Variants in MRPL13 observed in about 807,000 individuals in gnomAD.
MRPL13 encodes mitochondrial ribosomal protein L13.
In MRPL13, 33 loss-of-function variants were observed where a neutral mutation model predicts 29.0. That is an observed-to-expected ratio of 1.14 (90% CI 0.86 to 1.52). MRPL13 has a LOEUF of 1.52. MRPL13 is among the 40% of genes most tolerant of loss of function. The probability of loss-of-function intolerance (pLI) is 0.00; values close to 1 mark genes in which losing one functional copy is unlikely to be tolerated. For missense variants in MRPL13, 227 were observed against 216.7 expected, an observed-to-expected ratio of 1.05 and a Z score of -0.30; for synonymous variants, 77 against 68.4, an observed-to-expected ratio of 1.13 and a Z score of -0.62.
intron 6 of MRPL13, among the ~76,000 whole-genome samples, chr8:120,405,868 G>A (rs1812660477): frequency 6.6e-6 from 1 of 152,036 alleles, no homozygotes; most frequent in Admixed American, 6.6e-5. Flanking sequence ...AAACAAGAAG[G>A]GTGGCATCTA....
At chr8:120,430,125 G>A (rs564776367) in intron 3 of MRPL13, among the ~76,000 whole-genome samples, 2 of 152,188 alleles carry the variant, frequency 1.3e-5, no homozygotes, top group East Asian at 1.9e-4. Flanking sequence ...AGCTGGGCAT[G>A]GTGGTGCACA....
chr8:120,415,823 A>T (rs1438948110), intron 5 of MRPL13: 1 of 152,146 alleles, frequency 6.6e-6, no homozygotes, highest in Non-Finnish European at 1.5e-5. Flanking sequence ...TTACTTATTG[A>T]AGGCGCCTAC....
At chr8:120,400,932 A>G (rs1812588551) in intron 6 of MRPL13, among the ~76,000 whole-genome samples, 1 of 151,868 alleles carries the variant, frequency 6.6e-6, no homozygotes, top group African/African-American at 2.4e-5. Flanking sequence ...AGATACAAAA[A>G]CCCTCCAAAG....
chr8:120,416,655 A>G (rs914676911), intron 5 of MRPL13, among the ~76,000 whole-genome samples: 1 of 152,184 alleles, frequency 6.6e-6, no homozygotes, highest in Non-Finnish European at 1.5e-5. Flanking sequence ...AATTTACACA[A>G]AAGTTGTGAC....
chr8:120,420,691 T>G (rs988972897), intron 4 of MRPL13, among the ~76,000 whole-genome samples: 1 of 151,690 alleles, frequency 6.6e-6, no homozygotes, highest in African/African-American at 2.4e-5. Context: ...GCACTGAAAT[T>G]GTTCAATGTT....
At chr8:120,411,282 G>A (rs962161321) in intron 6 of MRPL13, among the ~76,000 whole-genome samples, 7 of 152,020 alleles carry the variant, frequency 4.6e-5, no homozygotes, top group Middle Eastern at 3.2e-3. Flanking sequence ...TGCCCAGGCC[G>A]GTCTTGAACT....
At chr8:120,435,693 A>T (rs1813046541) in intron 2 of MRPL13, among the ~76,000 whole-genome samples, 1 of 152,024 alleles carries the variant, frequency 6.6e-6, no homozygotes, top group Non-Finnish European at 1.5e-5. Context: ...GTTCTTTCAG[A>T]AATCACCAAA....
At chr8:120,406,874 A>G (rs1812674199) in intron 6 of MRPL13, among the ~76,000 whole-genome samples, 1 of 152,226 alleles carries the variant, frequency 6.6e-6, no homozygotes, top group African/African-American at 2.4e-5. Flanking sequence ...GATACTTGTC[A>G]CTAGCAAAAA....
intron 6 of MRPL13, among the ~76,000 whole-genome samples, chr8:120,412,175 G>A (rs1402940306): frequency 6.6e-6 from 1 of 152,022 alleles, no homozygotes; most frequent in Admixed American, 6.5e-5. Flanking sequence ...ATTTATGATG[G>A]TGTTTCTGTA....
intron 6 of MRPL13, among the ~76,000 whole-genome samples, chr8:120,413,369 T>C (rs998537689): frequency 4.5e-4 from 68 of 152,172 alleles, no homozygotes; most frequent in African/African-American, 1.6e-3. Flanking sequence ...TAAATGGAAG[T>C]GTACGATGAG....
At chr8:120,408,287 C>G (rs1192823574) in intron 6 of MRPL13, among the ~76,000 whole-genome samples, 1 of 152,072 alleles carries the variant, frequency 6.6e-6, no homozygotes, top group Non-Finnish European at 1.5e-5. Context: ...TTAAAATGAA[C>G]AGAAATTGCC....
At chr8:120,418,881 C>T (rs1812836484) in intron 5 of MRPL13, among the ~76,000 whole-genome samples, 1 of 151,926 alleles carries the variant, frequency 6.6e-6, no homozygotes, top group African/African-American at 2.4e-5. Context: ...ATAAATCAAT[C>T]ATTTTGATAA....
chr8:120,412,927 A>T (rs1226910282), intron 6 of MRPL13, among the ~76,000 whole-genome samples: 1 of 152,118 alleles, frequency 6.6e-6, no homozygotes, highest in Non-Finnish European at 1.5e-5. Flanking sequence ...TTCTCATTTA[A>T]AAAATAAAAA....
chr8:120,416,906 A>G (rs1038740639), intron 5 of MRPL13, among the ~76,000 whole-genome samples: 1 of 152,234 alleles, frequency 6.6e-6, no homozygotes, highest in Non-Finnish European at 1.5e-5. Context: ...TATACAGTAC[A>G]TATTCAAATT....
intron 6 of MRPL13, 112 bp from the exon 7 acceptor site, chr8:120,396,237 C>T: frequency 1.3e-6 from 1 of 753,120 alleles, no homozygotes. Flanking sequence ...CAAGAAATAG[C>T]TACAAACACT....
At chr8:120,443,149 TAC>T in intron 2 of MRPL13, 34 bp downstream of exon 2, 1 of 1,464,614 alleles carries the variant, frequency 6.8e-7, no homozygotes, top group Middle Eastern at 1.8e-4. Flanking sequence ...GCATGAAAAC[TAC>T]AGTGGTTAAT....
intron 3 of MRPL13, among the ~76,000 whole-genome samples, chr8:120,430,974 T>C (rs1438476916): frequency 6.6e-6 from 1 of 152,202 alleles, no homozygotes; most frequent in Non-Finnish European, 1.5e-5. Context: ...TACCTCTCAA[T>C]TTTGTAGAAC....
intron 4 of MRPL13, among the ~76,000 whole-genome samples, chr8:120,424,310 A>G (rs1235123054): frequency 1.3e-5 from 2 of 152,120 alleles, no homozygotes; most frequent in Non-Finnish European, 2.9e-5. Flanking sequence ...ATAAGGCAAA[A>G]ATTGACAGGA....
chr8:120,420,381 C>T (rs960258106), intron 4 of MRPL13, among the ~76,000 whole-genome samples: 3 of 150,082 alleles, frequency 2.0e-5, no homozygotes, highest in Non-Finnish European at 4.4e-5. Context: ...TTACCATATA[C>T]ATTTTCCATC....
Sources: allele counts gnomAD v4.1 joint callset (sites outside exome capture counted in the v4.1 genomes callset), GRCh38; gene constraint gnomAD v4.1.1; transcripts MANE v1.5; gene names NCBI Gene and HGNC (gene_info 2026-07-23, HGNC 2026-07-21).